The following LMOD1 variants were observed in gnomAD, a reference collection of about 807,000 sequenced individuals.
The protein encoded by LMOD1 is leiomodin 1.
A neutral mutation model predicts 36.5 loss-of-function variants in LMOD1; 8 were observed. The ratio of observed to expected loss-of-function variants is 0.22; its 90% confidence interval spans 0.13 to 0.40. The LOEUF is 0.40. LMOD1 is among the 10% of genes least tolerant of loss of function. The pLI, the probability that LMOD1 is intolerant of heterozygous loss-of-function variation, is 1.00. For synonymous variants in LMOD1, 284 were observed against 288.7 expected (o/e 0.98, Z 0.17); for missense variants, 630 against 751.1 (o/e 0.84, Z 1.88).
At chr1:201,902,066 A>C (rs1468581242) in intron 1 of LMOD1, among the ~76,000 whole-genome samples, 1 of 151,144 alleles carries the variant, frequency 6.6e-6, no homozygotes, top group African/African-American at 2.4e-5. Flanking sequence ...CAAAGTGCTG[A>C]GATCACAGGT....
chr1:201,932,842 T>C (rs1174387978), intron 1 of LMOD1, among the ~76,000 whole-genome samples: 1 of 152,228 alleles, frequency 6.6e-6, no homozygotes, highest in Non-Finnish European at 1.5e-5. Context: ...TTTGTATCTT[T>C]TCCTCATGGA....
intron 1 of LMOD1, among the ~76,000 whole-genome samples, chr1:201,934,799 T>C (rs572799777): frequency 6.6e-6 from 1 of 152,366 alleles, no homozygotes; most frequent in East Asian, 1.9e-4. Flanking sequence ...AGAATGGATG[T>C]GGTACAGTAC....
At chr1:201,908,858 A>G (rs752782350) in intron 1 of LMOD1, among the ~76,000 whole-genome samples, 37 of 152,210 alleles carry the variant, frequency 2.4e-4, no homozygotes, top group Non-Finnish European at 7.3e-5. Context: ...CCTCAACTCC[A>G]GAGCCCTCAG....
chr1:201,939,715 T>A (rs568482751), intron 1 of LMOD1, among the ~76,000 whole-genome samples: 84 of 152,204 alleles, frequency 5.5e-4, no homozygotes, highest in African/African-American at 1.9e-3. Flanking sequence ...GCGTCGCCAC[T>A]CCTGTCCCCC....
chr1:201,922,505 G>A (rs1292540248), intron 1 of LMOD1, among the ~76,000 whole-genome samples: 1 of 152,108 alleles, frequency 6.6e-6, no homozygotes, highest in Admixed American at 6.6e-5. Context: ...ACGATTCCAT[G>A]TACACAAAAT....
chr1:201,907,145 A>C (rs1057155812), intron 1 of LMOD1, among the ~76,000 whole-genome samples: 4 of 152,248 alleles, frequency 2.6e-5, no homozygotes, highest in African/African-American at 9.6e-5. Context: ...AGTTCTGCCC[A>C]TAGTGGCATA....
chr1:201,915,394 A>G (rs1235890743), intron 1 of LMOD1, among the ~76,000 whole-genome samples: 6 of 152,138 alleles, frequency 3.9e-5, no homozygotes, highest in Admixed American at 3.9e-4. Context: ...GCCAGACACT[A>G]CTAGGAAGGT....
Position 201,900,596 on chromosome 1 carries a change from A to T in LMOD1, c.417T>A (p.Asp139Glu), listed in dbSNP as rs200617736. 1.2e-4 allele frequency: 188 copies of T among 1,613,074 alleles called. No homozygotes were observed. The highest frequency in any genetic ancestry group is 4.2e-4 in the Admixed American group (25 of 59,886). Residue 139 changes from aspartate to glutamate, a missense_variant, in exon 2 of 3, where the codon GAT becomes GAA. This residue lies in a region of LMOD1 where 405 missense variants were observed against 400.6 expected (regional missense o/e 1.01). Coordinates refer to ENST00000367288, the MANE Select transcript of LMOD1 (RefSeq NM_012134.3). The part of the protein sequence containing the change: ...GLKKSFSRDR[D>E]EAGGKSGEKP... The stretch of plus-strand genomic sequence containing the variant: ...TCTCGCCACTCTTGCCACCAGCTTC[A>T]TCTCTGTCTCTAGAGAAGCTTTTCT...
At chr1:201,939,873 C>T (rs1041013447) in intron 1 of LMOD1, among the ~76,000 whole-genome samples, 1 of 152,046 alleles carries the variant, frequency 6.6e-6, no homozygotes, top group Non-Finnish European at 1.5e-5. Flanking sequence ...TATGCTGACA[C>T]GGTCTGACAA....
intron 1 of LMOD1, among the ~76,000 whole-genome samples, chr1:201,908,223 C>T (rs1456424761): frequency 6.6e-6 from 1 of 152,244 alleles, no homozygotes; most frequent in African/African-American, 2.4e-5. Flanking sequence ...CAGCCCATCC[C>T]ATACCTGCTT....
At chr1:201,932,554 C>A (rs1372071381) in intron 1 of LMOD1, among the ~76,000 whole-genome samples, 1 of 151,830 alleles carries the variant, frequency 6.6e-6, no homozygotes, top group East Asian at 1.9e-4. Context: ...GAGTTCAAGA[C>A]CAGCCTGGGC....
chr1:201,916,676 C>T (rs1390549377), intron 1 of LMOD1, among the ~76,000 whole-genome samples: 1 of 152,086 alleles, frequency 6.6e-6, no homozygotes, highest in Non-Finnish European at 1.5e-5. Flanking sequence ...ATGGATGGGG[C>T]CAGAGGTGGG....
intron 1 of LMOD1, among the ~76,000 whole-genome samples, chr1:201,904,868 C>T (rs1681387371): frequency 1.3e-5 from 2 of 152,194 alleles, no homozygotes; most frequent in South Asian, 4.1e-4. Flanking sequence ...TTGAGCTGAG[C>T]TCCTCGGAGC....
intron 1 of LMOD1, among the ~76,000 whole-genome samples, chr1:201,902,924 A>T (rs2102910411): frequency 6.6e-6 from 1 of 152,304 alleles, no homozygotes; most frequent in South Asian, 2.1e-4. Flanking sequence ...CATTAGACTT[A>T]ACTGTCCAAC....
chr1:201,931,450 G>A (rs1037786137), intron 1 of LMOD1, among the ~76,000 whole-genome samples: 1 of 149,882 alleles, frequency 6.7e-6, no homozygotes, highest in Admixed American at 6.7e-5. Flanking sequence ...CATGAGAATC[G>A]CTTGACCCCA....
At chr1:201,907,269 T>G (rs1681427095) in intron 1 of LMOD1, among the ~76,000 whole-genome samples, 1 of 152,208 alleles carries the variant, frequency 6.6e-6, no homozygotes, top group Admixed American at 6.5e-5. Context: ...TTGTCTCATA[T>G]GTACAATGGG....
At position 201,900,576 on chromosome 1, in the gene LMOD1, C is replaced by T; in HGVS notation, c.437G>A (p.Gly146Asp). The change falls in exon 2 of 3, where the codon GGC becomes GAC. Residue 146 changes from glycine (G) to aspartate (D), a missense_variant. By Grantham distance (94) the Gly-to-Asp change is moderately conservative (BLOSUM62 -1). Around this residue, in one of 3 missense-constraint regions of LMOD1, gnomAD observed 405 missense variants for 400.6 expected, o/e 1.01. Transcript: ENST00000367288. ...GATCTTCTCCTCCTTGGGCTTCTCG[C>T]CACTCTTGCCACCAGCTTCATCTCT... ...RDRDEAGGKSGEKPKEEKIIR... is the reference protein window; with the variant it reads ...RDRDEAGGKSDEKPKEEKIIR... 9 of 1,613,882 alleles carry T rather than the reference C, an allele frequency of 5.6e-6. No individual in the cohort carries two copies. Among genetic ancestry groups the T allele is most frequent in the Non-Finnish European group, 7.6e-6 (9 of 1,179,884 alleles).
At chr1:201,944,850 A>G (rs1032357258) in intron 1 of LMOD1, among the ~76,000 whole-genome samples, 4 of 151,962 alleles carry the variant, frequency 2.6e-5, no homozygotes, top group African/African-American at 9.7e-5. Flanking sequence ...GTCCACCAAT[A>G]TGCTCTGTGA....
intron 1 of LMOD1, among the ~76,000 whole-genome samples, chr1:201,907,109 A>T (rs1571576917): frequency 6.6e-6 from 1 of 152,234 alleles, no homozygotes; most frequent in Non-Finnish European, 1.5e-5. Flanking sequence ...TACGGCTGCC[A>T]GGAAAACTGG....
Sources: allele counts gnomAD v4.1 joint callset (sites outside exome capture counted in the v4.1 genomes callset), GRCh38; gene constraint gnomAD v4.1.1; regional missense constraint gnomAD v4.1.1; transcripts MANE v1.5; gene names NCBI Gene and HGNC (gene_info 2026-07-23, HGNC 2026-07-21).